GRK5: variants seen among roughly 807,000 people sequenced by gnomAD.
GRK5 encodes the protein G protein-coupled receptor kinase 5.
In GRK5, 40 loss-of-function variants were observed where a neutral mutation model predicts 78.4. That is an observed-to-expected ratio of 0.51 (90% CI 0.40 to 0.66). GRK5 has a LOEUF of 0.66. GRK5 is among the 30% of genes least tolerant of loss of function. GRK5 has a pLI of 0.00. For missense variants in GRK5, 598 were observed against 759.9 expected (o/e 0.79, Z 2.50); for synonymous variants, 289 against 296.8 (o/e 0.97, Z 0.27).
At chr10:119,394,856 CAT>C (rs1183436373) in intron 3 of GRK5, among the ~76,000 whole-genome samples, 5 of 148,508 alleles carry the variant, frequency 3.4e-5, no homozygotes, top group Admixed American at 6.7e-5. Context: ...TGTGTGCACA[CAT>C]GTGCACTCAG....
In GRK5 at chr10:119,452,578, C is replaced by T; in HGVS notation, c.1405-93C>T. On this transcript the variant is annotated intron_variant, in intron 13 of 15. Coordinates refer to ENST00000392870, the MANE Select transcript of GRK5 (RefSeq NM_005308.3). This position sits in a 1 kb window ranked among gnomAD's most constrained non-coding sequence, Gnocchi z 4.4. Reference sequence around the variant, plus strand: ...GTTCTGGGGGTGTGTCCTGGGAAGACTCCCTTCTGCTCCCCAAAACCCCAA... The same window carrying T: ...GTTCTGGGGGTGTGTCCTGGGAAGATTCCCTTCTGCTCCCCAAAACCCCAA... 6.8e-7 allele frequency: 1 copy of T among 1,463,910 alleles called. No individual in the cohort carries two copies. 90.7% of individuals were successfully genotyped at this position (1,463,910 alleles called of 1,614,324 possible).
At chr10:119,285,490 G>A (rs1355699837) in intron 1 of GRK5, among the ~76,000 whole-genome samples, 2 of 152,266 alleles carry the variant, frequency 1.3e-5, no homozygotes, top group Non-Finnish European at 2.9e-5. Flanking sequence ...AGTCTGTCCC[G>A]GGGAAGTGTT....
intron 1 of GRK5, among the ~76,000 whole-genome samples, chr10:119,303,206 G>A (rs1448800903): frequency 6.6e-6 from 1 of 152,210 alleles, no homozygotes; most frequent in Non-Finnish European, 1.5e-5. Flanking sequence ...CTAGTTGGAC[G>A]AGATCATGTT....
intron 1 of GRK5, among the ~76,000 whole-genome samples, chr10:119,293,681 C>G (rs1406980855): frequency 6.8e-6 from 1 of 146,708 alleles, no homozygotes; most frequent in East Asian, 2.2e-4. Context: ...AGGAGATTTG[C>G]TGGGAATCTA....
intron 1 of GRK5, among the ~76,000 whole-genome samples, chr10:119,309,118 G>C (rs760692974): frequency 9.9e-5 from 15 of 152,202 alleles, no homozygotes; most frequent in Non-Finnish European, 2.2e-4. Context: ...GTGAGGGACC[G>C]TGTGGTCTCT....
intron 4 of GRK5, among the ~76,000 whole-genome samples, chr10:119,408,719 G>T (rs1208539843): frequency 6.6e-6 from 1 of 152,174 alleles, no homozygotes; most frequent in Non-Finnish European, 1.5e-5. Context: ...GGGAGTTGCT[G>T]CTTAACAGGT....
chr10:119,399,448 C>G (rs902946793), intron 4 of GRK5, among the ~76,000 whole-genome samples: 1 of 152,204 alleles, frequency 6.6e-6, no homozygotes, highest in Non-Finnish European at 1.5e-5. Flanking sequence ...AACTGCAAAG[C>G]CACTGTCCCC....
In GRK5 at chr10:119,431,273, CG is replaced by C. The variant is rs1328042121; in HGVS notation, c.598-112del. 8 of 1,248,916 alleles carry C rather than the reference CG, an allele frequency of 6.4e-6. No individual in the cohort carries two copies. In the African/African-American group the frequency reaches 1.2e-4, roughly 19 times the overall value. 77.4% of individuals were successfully genotyped at this position (1,248,916 alleles called of 1,614,324 possible). On this transcript the variant is annotated intron_variant, in intron 7 of 15. Coordinates refer to ENST00000392870, the MANE Select transcript of GRK5 (RefSeq NM_005308.3). This position sits in a 1 kb window ranked among gnomAD's most constrained non-coding sequence, Gnocchi z 4.8. ...GAGCACTCATGAAGCCAGGCAGGGC[CG>C]GCTCTGACCCCATCCATTCTCTACC...
rs1288820647 is a variant in GRK5 at position 119,369,907 on chromosome 10, G to C, written c.149-10908G>C. ...GTTCCCTCAGTCCACCCCCACCCCT[G>C]ACCCTCCGTTTACCCAGCCAGTTCT... On this transcript the variant is annotated intron_variant, in intron 2 of 15. Transcript: ENST00000392870. 8.6e-5 allele frequency among the ~76,000 whole-genome samples: 13 copies of C among 151,754 alleles called. No individual in the cohort carries two copies. The South Asian group carries it at 2.7e-3, about 32-fold the overall frequency.
chr10:119,394,324 GTATCTGTGTGTC>G (rs1851970452), intron 3 of GRK5, among the ~76,000 whole-genome samples: 4 of 111,500 alleles, frequency 3.6e-5, no homozygotes, highest in Admixed American at 1.6e-4. Context: ...GTGGGTGTGT[GTATCTGTGTGTC>G]TGTGTGTGGG....
At chr10:119,296,911 A>G (rs1445728186) in intron 1 of GRK5, among the ~76,000 whole-genome samples, 4 of 152,228 alleles carry the variant, frequency 2.6e-5, no homozygotes, top group African/African-American at 9.6e-5. Context: ...GCAGAAAGAC[A>G]TACTGGTCAC....
intron 1 of GRK5, among the ~76,000 whole-genome samples, chr10:119,293,097 C>A (rs1381640148): frequency 6.6e-6 from 1 of 152,134 alleles, no homozygotes; most frequent in Non-Finnish European, 1.5e-5. Context: ...AGAGCGAAGA[C>A]CTGAAGAAGT....
At chr10:119,297,347 G>T (rs1850099921) in intron 1 of GRK5, among the ~76,000 whole-genome samples, 2 of 152,154 alleles carry the variant, frequency 1.3e-5, no homozygotes, top group African/African-American at 2.4e-5. Context: ...CACCATAATT[G>T]TCATCACCAC....
chr10:119,300,950 C>T (rs1332594908), intron 1 of GRK5, among the ~76,000 whole-genome samples: 4 of 151,752 alleles, frequency 2.6e-5, no homozygotes, highest in African/African-American at 9.7e-5. Context: ...AAACAAAAAA[C>T]AAAAAAAGCT....
At chr10:119,222,749 A>G (rs1444912157) in intron 1 of GRK5, among the ~76,000 whole-genome samples, 1 of 152,130 alleles carries the variant, frequency 6.6e-6, no homozygotes, top group Non-Finnish European at 1.5e-5. Context: ...CTACATGGGG[A>G]AGGGCTGCCC....
rs1665689653 is a variant in GRK5, at chr10:119,430,415, C to G, written c.574C>G (p.Leu192Val). 6.2e-7 allele frequency: 1 copy of G among 1,612,632 alleles called. No homozygotes were observed. Among genetic ancestry groups the G allele is most frequent in the Non-Finnish European group, 8.5e-7 (1 of 1,179,572 alleles). The change falls in exon 7 of 16, where the codon CTA (leucine) becomes GTA (valine). Residue 192 changes from leucine (L) to valine (V), a missense_variant. Coordinates refer to ENST00000392870, the MANE Select transcript of GRK5 (RefSeq NM_005308.3). This position sits in a 1 kb window ranked among gnomAD's most constrained non-coding sequence, Gnocchi z 4.5. ...AAACACTTTCAGGCAGTATCGAGTG[C>G]TAGGAAAAGGGGGCTTCGGGGAGGT... ...TKNTFRQYRV[L>V]GKGGFGEVCA...
intron 1 of GRK5, among the ~76,000 whole-genome samples, chr10:119,274,558 T>C (rs1269972176): frequency 3.9e-5 from 6 of 152,208 alleles, no homozygotes; most frequent in African/African-American, 1.4e-4. Context: ...TCTGGACAGT[T>C]GACTTTACTT....
chr10:119,426,684 A>G (rs538376604), intron 6 of GRK5, among the ~76,000 whole-genome samples: 4 of 152,226 alleles, frequency 2.6e-5, no homozygotes, highest in South Asian at 2.1e-4. Context: ...CATCATCACC[A>G]TCACCACCAT....
rs1373940522 is a variant in GRK5, at chr10:119,436,785, T to C, written c.873T>C (p.Tyr291=). The change falls in exon 9 of 16, where the codon TAT becomes TAC. Residue 291 remains tyrosine, a synonymous_variant. Transcript: ENST00000392870. ...PGFEEERALF[Y]AAEILCGLED... is the part of the protein sequence containing the mutation. ...TCGAGGAGGAGCGGGCCTTGTTTTATGCGGCAGAGATCCTCTGCGGCTTAG... is the reference window on the plus strand; with the variant it reads ...TCGAGGAGGAGCGGGCCTTGTTTTACGCGGCAGAGATCCTCTGCGGCTTAG... 6.2e-7 allele frequency: 1 copy of C among 1,614,034 alleles called. No individual in the cohort carries two copies. The highest frequency in any genetic ancestry group is 1.7e-5 in the Admixed American group (1 of 60,014).
Sources: allele counts gnomAD v4.1 joint callset (sites outside exome capture counted in the v4.1 genomes callset), GRCh38; gene constraint gnomAD v4.1.1; non-coding constraint Gnocchi (gnomAD v3.1); transcripts MANE v1.5; gene names NCBI Gene and HGNC (gene_info 2026-07-23, HGNC 2026-07-21).